The following CNP variants were observed in gnomAD, a reference collection of about 807,000 sequenced individuals.
The protein encoded by CNP is 2',3'-cyclic nucleotide 3' phosphodiesterase.
A neutral mutation model predicts 37.9 loss-of-function variants in CNP; 8 were observed. The ratio of observed to expected loss-of-function variants is 0.21; its 90% CI spans 0.12 to 0.38. CNP has a LOEUF of 0.38. CNP is among the 10% of genes least tolerant of loss of function. The probability of loss-of-function intolerance (pLI) is 1.00; values close to 1 mark genes in which losing one functional copy is unlikely to be tolerated. For missense variants in CNP, 457 were observed against 551.0 expected (o/e 0.83, Z 1.71); for synonymous variants, 237 against 238.3 (o/e 0.99, Z 0.05).
At position 41,974,132 on chromosome 17, in the gene CNP, G is replaced by A. The variant is rs990814027; in HGVS notation, c.*208G>A. The A allele has an allele frequency of 5.7e-5, 24 of 424,432 alleles. No individual in the cohort carries two copies. Among genetic ancestry groups the A allele is most frequent in the African/African-American group, 4.7e-4 (23 of 49,008 alleles). 26.3% of individuals were successfully genotyped at this position (424,432 alleles called of 1,614,324 possible). On this transcript the variant is annotated 3_prime_UTR_variant, in exon 4 of 4. Coordinates refer to ENST00000393892, the MANE Select transcript of CNP (RefSeq NM_033133.5). ...ATGCTCACGCTCCCAACACAAGGTG[G>A]GCAGGGAGGCACCATTCAGGAACCT...
At position 41,977,157 on chromosome 17, in the gene CNP, T is replaced by TG. The variant is rs1353673411; in HGVS notation, c.*3234dup. ...ATGCCCTGCTAGATGAGAATTCAGCTGCCCCCGCTCATGGGCCCCTCTGAC... is the reference window on the plus strand; with the variant it reads ...ATGCCCTGCTAGATGAGAATTCAGCTGGCCCCCGCTCATGGGCCCCTCTGAC... On this transcript the variant is annotated 3_prime_UTR_variant, in exon 4 of 4. Coordinates refer to ENST00000393892, the MANE Select transcript of CNP (RefSeq NM_033133.5). 6.0e-6 allele frequency: 7 copies of TG among 1,159,588 alleles called. No individual in the cohort carries two copies. Among genetic ancestry groups the TG allele is most frequent in the Non-Finnish European group, 8.7e-6 (7 of 806,268 alleles). The allele number at this position is 1,159,588 out of a possible 1,614,324, so 71.8% of individuals were successfully genotyped here.
In CNP at chr17:41,975,086, A is replaced by G. The variant is rs1462507884; in HGVS notation, c.*1162A>G. The stretch of plus-strand genomic sequence containing the variant: ...TTGCTAATCGGGTTGTCACTCAACA[A>G]AAGTGCTTTGGATTTAAGTTACTAT... On this transcript the variant is annotated 3_prime_UTR_variant, in exon 4 of 4. Transcript: ENST00000393892. 6.6e-6 allele frequency: 1 copy of G among 152,294 alleles called. No homozygotes were observed. The highest frequency in any genetic ancestry group is 1.5e-5 in the Non-Finnish European group (1 of 68,086). The allele number at this position is 152,294 out of a possible 1,614,324, so 9.4% of individuals were successfully genotyped here.
At position 41,968,523 on chromosome 17, in the gene CNP, G is replaced by T; in HGVS notation, c.459G>T (p.Ala153=). ...YQVVLVEPKT[A]WRLDCAQLKE... ...TGGTGCTGGTGGAGCCCAAGACGGC[G>T]TGGCGGCTGGACTGTGCCCAGCTCA... The change falls in exon 2 of 4, where the codon GCG becomes GCT. Residue 153 remains alanine, a synonymous_variant. Transcript: ENST00000393892. This position sits in a 1 kb window ranked among gnomAD's most constrained non-coding sequence, Gnocchi z 4.8. 6.2e-7 allele frequency: 1 copy of T among 1,614,164 alleles called. No individual in the cohort carries two copies. The highest frequency in any genetic ancestry group is 8.5e-7 in the Non-Finnish European group (1 of 1,180,036).
chr17:41,967,192 C>G (rs1555643046), intron 1 of CNP: 4 of 294,530 alleles, frequency 1.4e-5, no homozygotes, highest in African/African-American at 6.5e-5. Flanking sequence ...CCCGACCCCA[C>G]GCAGGCCCGC....
In CNP at chr17:41,967,211, A is replaced by G. The variant is rs2050911926; in HGVS notation, c.3+324A>G. ...ACCCCACGCAGGCCCGCGCTGGGGC[A>G]GCCGCTTCGGCGCCCCCTCCCCGGG... On this transcript the variant is annotated intron_variant, in intron 1 of 3. Transcript: ENST00000393892. The G allele has an allele frequency of 5.9e-5, 16 of 272,638 alleles. No individual in the cohort carries two copies. In the East Asian group the frequency reaches 9.1e-4, roughly 16 times the overall value. 16.9% of individuals were successfully genotyped at this position (272,638 alleles called of 1,614,324 possible).
chr17:41,967,894 C>T (rs1670687486), intron 1 of CNP, 174 bp from the exon 2 acceptor site: 9 of 1,433,058 alleles, frequency 6.3e-6, no homozygotes, highest in Non-Finnish European at 8.2e-6. Context: ...AGACAAGCTT[C>T]CCTCTTCCTC....
In CNP at chr17:41,975,074, T is replaced by C. The variant is rs2051056636; in HGVS notation, c.*1150T>C. ...AGTAACAGGGCCTTGCTAATCGGGT[T>C]GTCACTCAACAAAAGTGCTTTGGAT... On this transcript the variant is annotated 3_prime_UTR_variant, in exon 4 of 4. Transcript: ENST00000393892. 1 of 152,294 alleles carries C rather than the reference T, an allele frequency of 6.6e-6. No individual in the cohort carries two copies. The highest frequency in any genetic ancestry group is 6.5e-5 in the Admixed American group (1 of 15,288). The allele number at this position is 152,294 out of a possible 1,614,324, so 9.4% of individuals were successfully genotyped here.
chr17:41,973,539 A>C lies in CNP; in HGVS notation c.881A>C (p.Lys294Thr). The part of the protein sequence containing the change: ...LTISALFVTP[K>T]TTGARVELSE... ...ATCTCTGCCCTCTTTGTGACACCCA[A>C]GACGACTGGGGCCCGGGTGGAGTTA... Residue 294 changes from lysine (K) to threonine (T), a missense_variant, in exon 4 of 4, where the codon AAG (lysine) becomes ACG (threonine). Lys to Thr is a moderately conservative substitution (Grantham distance 78). Around this residue, in one of 2 missense-constraint regions of CNP, gnomAD observed 291 missense variants for 291.7 expected, o/e 1.00. Coordinates refer to ENST00000393892, the MANE Select transcript of CNP (RefSeq NM_033133.5). 1 of 1,614,206 alleles carries C rather than the reference A, an allele frequency of 6.2e-7. No individual in the cohort carries two copies. The highest frequency in any genetic ancestry group is 8.5e-7 in the Non-Finnish European group (1 of 1,180,040).
intron 3 of CNP, 136 bp downstream of exon 3, chr17:41,972,167 C>T (rs2050999868): frequency 2.8e-6 from 3 of 1,055,014 alleles, no homozygotes; most frequent in African/African-American, 3.2e-5. Context: ...GGCATCTCCT[C>T]CTCCTAGCTC....
At position 41,974,004 on chromosome 17, in the gene CNP, A is replaced by ATTTTTTT; in HGVS notation, c.*94_*100dup. On this transcript the variant is annotated 3_prime_UTR_variant, in exon 4 of 4. Transcript: ENST00000393892. ...CTCTGTTTGATCCTTGTTTTGTGACATTTTTTTTTTTTTTTTTTTTACTCA... is the reference window on the plus strand; with the variant it reads ...CTCTGTTTGATCCTTGTTTTGTGACATTTTTTTTTTTTTTTTTTTTTTTTTTTACTCA... 1.2e-6 allele frequency: 1 copy of ATTTTTTT among 838,216 alleles called. No homozygotes were observed. Among genetic ancestry groups the ATTTTTTT allele is most frequent in the Non-Finnish European group, 1.6e-6 (1 of 629,996 alleles). The allele number at this position is 838,216 out of a possible 1,614,324, so 51.9% of individuals were successfully genotyped here.
chr17:41,968,732 T>A lies in CNP; in HGVS notation c.668T>A (p.Leu223Gln). 6.2e-7 allele frequency: 1 copy of A among 1,608,602 alleles called. No homozygotes were observed. The highest frequency in any genetic ancestry group is 2.2e-5 in the East Asian group (1 of 44,752). The change falls in exon 2 of 4, where the codon CTG (leucine) becomes CAG (glutamine). Residue 223 changes from leucine (L) to glutamine (Q), a missense_variant. Physicochemically the swap from Leu to Gln is moderately radical, Grantham distance 113 (BLOSUM62 -2). Coordinates refer to ENST00000393892, the MANE Select transcript of CNP (RefSeq NM_033133.5). This position sits in a 1 kb window ranked among gnomAD's most constrained non-coding sequence, Gnocchi z 4.8. ...LGNHKAFKKE[L>Q]RQFVPGDEPR... ...AACCACAAGGCCTTCAAGAAGGAGC[T>A]GCGACAATGTAGGTGGCAGGTTGGG... is the stretch of plus-strand genomic sequence containing the variant.
At chr17:41,967,898 C>T (rs2050926178) in intron 1 of CNP, 170 bp from the exon 2 acceptor site, 3 of 1,436,300 alleles carry the variant, frequency 2.1e-6, no homozygotes, top group Admixed American at 5.7e-5. Context: ...AAGCTTCCCT[C>T]TTCCTCCTCC....
rs538772540 is a variant in CNP, at chr17:41,977,624, A to C, written c.*3700A>C. 2.2e-5 allele frequency: 6 copies of C among 271,982 alleles called. No homozygotes were observed. Among genetic ancestry groups the C allele is most frequent in the Admixed American group, 1.0e-4 (2 of 20,016 alleles). 16.8% of individuals were successfully genotyped at this position (271,982 alleles called of 1,614,324 possible). On this transcript the variant is annotated 3_prime_UTR_variant, in exon 4 of 4. Transcript: ENST00000393892. ...TCTCAACAAATGGAATGCCATTTGC[A>C]CTTACACAAGACTTTCCCCATACTC... is the stretch of plus-strand genomic sequence containing the variant.
rs1225772218 is a variant in CNP, at chr17:41,974,781, GCT to G, written c.*859_*860del. On this transcript the variant is annotated 3_prime_UTR_variant, in exon 4 of 4. Coordinates refer to ENST00000393892, the MANE Select transcript of CNP (RefSeq NM_033133.5). The stretch of plus-strand genomic sequence containing the variant: ...ACTGGCTGTCCTTTCCAGTGGCCTG[GCT>G]CCGCTGTGTGGATGGGGAGATCGGG... 6.6e-6 allele frequency: 1 copy of G among 152,466 alleles called. No homozygotes were observed. Among genetic ancestry groups the G allele is most frequent in the Non-Finnish European group, 1.5e-5 (1 of 68,268 alleles). 9.4% of individuals were successfully genotyped at this position (152,466 alleles called of 1,614,324 possible).
At position 41,974,971 on chromosome 17, in the gene CNP, C is replaced by A. The variant is rs1052470553; in HGVS notation, c.*1047C>A. 5.3e-5 allele frequency: 8 copies of A among 152,364 alleles called. No homozygotes were observed. The highest frequency in any genetic ancestry group is 1.9e-4 in the African/African-American group (8 of 41,442). The allele number at this position is 152,364 out of a possible 1,614,324, so 9.4% of individuals were successfully genotyped here. ...CTGGCTGGTAAGGGCCAAGTCCCAC[C>A]GGTTGCTTCTGGGAAGGGGTTTCTA... On this transcript the variant is annotated 3_prime_UTR_variant, in exon 4 of 4. Coordinates refer to ENST00000393892, the MANE Select transcript of CNP (RefSeq NM_033133.5).
In CNP at chr17:41,976,603, C is replaced by T. The variant is rs950791349; in HGVS notation, c.*2679C>T. 3.4e-6 allele frequency: 4 copies of T among 1,180,432 alleles called. No homozygotes were observed. Among genetic ancestry groups the T allele is most frequent in the Middle Eastern group, 3.9e-4 (2 of 5,170 alleles). 73.1% of individuals were successfully genotyped at this position (1,180,432 alleles called of 1,614,324 possible). ...CCACCCCACTCACAGAGACACAGGGCATCCAACTGAGAAAACGAAACTGCT... is the reference window on the plus strand; with the variant it reads ...CCACCCCACTCACAGAGACACAGGGTATCCAACTGAGAAAACGAAACTGCT... On this transcript the variant is annotated 3_prime_UTR_variant, in exon 4 of 4. Coordinates refer to ENST00000393892, the MANE Select transcript of CNP (RefSeq NM_033133.5).
At position 41,973,963 on chromosome 17, in the gene CNP, G is replaced by A; in HGVS notation, c.*39G>A. 7.1e-7 allele frequency: 1 copy of A among 1,411,330 alleles called. No individual in the cohort carries two copies. The highest frequency in any genetic ancestry group is 9.3e-7 in the Non-Finnish European group (1 of 1,079,230). The allele number at this position is 1,411,330 out of a possible 1,614,324, so 87.4% of individuals were successfully genotyped here. A position where few individuals can be genotyped will look rare whatever the true frequency, so the allele number is the denominator to read the frequency against. ...CACTTATGCCCCTAGAAGGGAAGGGGAGAGGGAAACGTGCCCTCTGTTTGA... is the reference window on the plus strand; with the variant it reads ...CACTTATGCCCCTAGAAGGGAAGGGAAGAGGGAAACGTGCCCTCTGTTTGA... On this transcript the variant is annotated 3_prime_UTR_variant, in exon 4 of 4. Coordinates refer to ENST00000393892, the MANE Select transcript of CNP (RefSeq NM_033133.5).
Position 41,976,587 on chromosome 17 carries a change from T to A in CNP, c.*2663T>A. 5.5e-5 allele frequency: 51 copies of A among 921,340 alleles called. No homozygotes were observed. The highest frequency in any genetic ancestry group is 2.0e-4 in the East Asian group (5 of 25,192). 57.1% of individuals were successfully genotyped at this position (921,340 alleles called of 1,614,324 possible). ...ATTGGTTCCCTTTGCTCCACCCCAC[T>A]CACAGAGACACAGGGCATCCAACTG... On this transcript the variant is annotated 3_prime_UTR_variant, in exon 4 of 4. Transcript: ENST00000393892.
At position 41,967,868 on chromosome 17, in the gene CNP, C is replaced by T. The variant is rs564349820; in HGVS notation, c.4-200C>T. 44 of 1,415,402 alleles carry T rather than the reference C, an allele frequency of 3.1e-5. No homozygotes were observed. The South Asian group carries it at 6.9e-4, about 22-fold the overall frequency. The allele number at this position is 1,415,402 out of a possible 1,614,324, so 87.7% of individuals were successfully genotyped here. ...AAGTGGCAGGAATGGGGAAAGCGCA[C>T]GCTTAGGAGAGCTTCAGACAAGCTT... On this transcript the variant is annotated intron_variant, in intron 1 of 3. Coordinates refer to ENST00000393892, the MANE Select transcript of CNP (RefSeq NM_033133.5).
Sources: allele counts gnomAD v4.1 joint callset, GRCh38; gene constraint gnomAD v4.1.1; regional missense constraint gnomAD v4.1.1; non-coding constraint Gnocchi (gnomAD v3.1); transcripts MANE v1.5; gene names NCBI Gene and HGNC (gene_info 2026-07-23, HGNC 2026-07-21).